ATAD3C: variants seen among roughly 807,000 people sequenced by gnomAD.
ATAD3C encodes the protein ATPase family AAA domain-containing protein 3C.
Under a neutral mutation model 46.3 loss-of-function variants are expected in ATAD3C, and 38 were observed. That is an observed-to-expected ratio of 0.82 (90% CI 0.63 to 1.08). The LOEUF is 1.08. ATAD3C is among the 50% of genes least tolerant of loss of function. The pLI is 0.00. For synonymous variants in ATAD3C, 220 were observed against 236.4 expected, an observed-to-expected ratio of 0.93 and a Z score of 0.63; for missense variants, 563 against 572.7, an observed-to-expected ratio of 0.98 and a Z score of 0.17.
In ATAD3C at chr1:1,468,597, C is replaced by T; in HGVS notation, c.*67C>T. ...CCCTCCCACCCCTGCCTTTGCGGCC[C>T]CGCACATTTAGGAAATACTCCCCGT... On this transcript the variant is annotated 3_prime_UTR_variant, in exon 12 of 12. Coordinates refer to ENST00000378785, the MANE Select transcript of ATAD3C (RefSeq NM_001039211.3). 1 of 1,586,574 alleles carries T rather than the reference C, an allele frequency of 6.3e-7. No individual in the cohort carries two copies. The highest frequency in any genetic ancestry group is 8.6e-7 in the Non-Finnish European group (1 of 1,164,348).
At position 1,457,006 on chromosome 1, in the gene ATAD3C, C is replaced by T. The variant is rs909191378; in HGVS notation, c.690-123C>T. On this transcript the variant is annotated intron_variant, in intron 7 of 11. Coordinates refer to ENST00000378785, the MANE Select transcript of ATAD3C (RefSeq NM_001039211.3). ...CTGTCAGGTCCAGGACTTAGGGCTC[C>T]GTGGGGCAGAGCCTGACCCCGTGGG... 227 of 1,361,458 alleles carry T rather than the reference C, an allele frequency of 1.7e-4. 2 individuals carry two copies. The highest frequency in any genetic ancestry group is 1.2e-3 in the Admixed American group (71 of 56,972). 84.3% of individuals were successfully genotyped at this position (1,361,458 alleles called of 1,614,324 possible). A position where few individuals can be genotyped will look rare whatever the true frequency, so the allele number is the denominator to read the frequency against.
Position 1,460,909 on chromosome 1 carries a change from A to G in ATAD3C, c.972A>G (p.Glu324=). ...AGTATGTTCTTAAGCCGGCCACAGA[A>G]GGAAAGCGGTAAGTGTCCCGCCCCA... ...LNEYVLKPAT[E]GKRRLKLAQF... The change falls in exon 10 of 12, where the codon GAA becomes GAG. Residue 324 remains glutamate (E), a synonymous_variant. Transcript: ENST00000378785. The G allele has an allele frequency of 2.5e-6, 4 of 1,608,076 alleles. No homozygotes were observed. The highest frequency in any genetic ancestry group is 3.4e-6 in the Non-Finnish European group (4 of 1,176,708).
At chr1:1,460,619 T>C in intron 9 of ATAD3C, 131 bp from the exon 10 acceptor site, 1 of 1,397,456 alleles carries the variant, frequency 7.2e-7, no homozygotes, top group Non-Finnish European at 9.3e-7. Context: ...CTCCCCATGT[T>C]TCCTGTGCTC....
chr1:1,450,518 G>A lies in ATAD3C; in HGVS notation c.-166G>A, dbSNP rs561174924. The A allele has an allele frequency of 3.3e-4, 286 of 857,768 alleles. 2 individuals are homozygous for A. The South Asian group carries it at 4.0e-3, about 12-fold the overall frequency. The allele number at this position is 857,768 out of a possible 1,614,324, so 53.1% of individuals were successfully genotyped here. A position where few individuals can be genotyped will look rare whatever the true frequency, so the allele number is the denominator to read the frequency against. On this transcript the variant is annotated 5_prime_UTR_variant, in exon 1 of 12. Coordinates refer to ENST00000378785, the MANE Select transcript of ATAD3C (RefSeq NM_001039211.3). ...GGCCGTGTGCTGGGGATGGGGCATCGTCACGCCAGGTCTGACTAGGAAGGA... is the reference window on the plus strand; with the variant it reads ...GGCCGTGTGCTGGGGATGGGGCATCATCACGCCAGGTCTGACTAGGAAGGA...
intron 11 of ATAD3C, among the ~76,000 whole-genome samples, chr1:1,464,238 G>T (rs1199953108): frequency 6.6e-6 from 1 of 150,798 alleles, no homozygotes; most frequent in Non-Finnish European, 1.5e-5. Flanking sequence ...GAGTGTGGTC[G>T]ACTGCTGGGC....
Position 1,460,902 on chromosome 1 carries a change from C to T in ATAD3C, c.965C>T (p.Ala322Val), listed in dbSNP as rs760516438. ...MYLNEYVLKPATEGKRRLKLA... is the reference protein window; with the variant it reads ...MYLNEYVLKPVTEGKRRLKLA... ...CTTAACGAGTATGTTCTTAAGCCGG[C>T]CACAGAAGGAAAGCGGTAAGTGTCC... Residue 322 changes from alanine (A) to valine (V), a missense_variant, in exon 10 of 12, where the codon GCC becomes GTC. By Grantham distance (64) the Ala-to-Val change is moderately conservative (BLOSUM62 0). Around this residue, in one of 3 missense-constraint regions of ATAD3C, gnomAD observed 273 missense variants for 253.5 expected, o/e 1.08. Transcript: ENST00000378785. The T allele has an allele frequency of 9.3e-6, 15 of 1,608,834 alleles. No individual in the cohort carries two copies. Among genetic ancestry groups the T allele is most frequent in the Non-Finnish European group, 1.3e-5 (15 of 1,177,304 alleles).
At chr1:1,457,611 AAAAC>A (rs1327769227) in intron 8 of ATAD3C, among the ~76,000 whole-genome samples, 4,486 of 143,092 alleles carry the variant, frequency 0.031, 841 homozygotes, top group African/African-American at 0.12. Context: ...AAAAAAAAAA[AAAAC>A]AAAAAAAACA....
At chr1:1,454,542 G>C in intron 4 of ATAD3C, 42 bp downstream of exon 4, 1 of 1,585,980 alleles carries the variant, frequency 6.3e-7, no homozygotes. Flanking sequence ...CAAGTGCCTG[G>C]CTGAGTCCCT....
chr1:1,451,488 A>T (rs1570141107), intron 1 of ATAD3C, among the ~76,000 whole-genome samples: 1 of 151,990 alleles, frequency 6.6e-6, no homozygotes, highest in Admixed American at 6.6e-5. Context: ...CTGGGATTAC[A>T]GGCACCCACC....
In ATAD3C at chr1:1,450,522, C is replaced by A. The variant is rs989383619; in HGVS notation, c.-162C>A. 9 of 892,978 alleles carry A rather than the reference C, an allele frequency of 1.0e-5. 1 individual carries two copies. The highest frequency in any genetic ancestry group is 1.7e-5 in the African/African-American group (1 of 60,490). 55.3% of individuals were successfully genotyped at this position (892,978 alleles called of 1,614,324 possible). A position where few individuals can be genotyped will look rare whatever the true frequency, so the allele number is the denominator to read the frequency against. On this transcript the variant is annotated 5_prime_UTR_variant, in exon 1 of 12. Coordinates refer to ENST00000378785, the MANE Select transcript of ATAD3C (RefSeq NM_001039211.3). ...GTGTGCTGGGGATGGGGCATCGTCA[C>A]GCCAGGTCTGACTAGGAAGGAGGAT...
rs1570164608 is a variant in ATAD3C, at chr1:1,469,438, T to G, written c.*908T>G. 1 of 127,302 alleles carries G rather than the reference T, an allele frequency of 7.9e-6. No individual in the cohort carries two copies. The highest frequency in any genetic ancestry group is 1.5e-5 in the Non-Finnish European group (1 of 64,706). The allele number at this position is 127,302 out of a possible 1,614,324, so 7.9% of individuals were successfully genotyped here. On this transcript the variant is annotated 3_prime_UTR_variant, in exon 12 of 12. Transcript: ENST00000378785. ...TTGCACTCCAGCCTGGATGATAGAG[T>G]GAGACTGTACCTCTAAATAACCAAA...
At chr1:1,455,677 A>G in intron 5 of ATAD3C, 114 bp from the exon 6 acceptor site, 1 of 1,561,342 alleles carries the variant, frequency 6.4e-7, no homozygotes, top group Non-Finnish European at 8.7e-7. Flanking sequence ...GCTGCCCACG[A>G]GCTGGGTGGC....
intron 1 of ATAD3C, 80 bp from the exon 2 acceptor site, chr1:1,451,966 G>A (rs963293770): frequency 4.5e-6 from 7 of 1,569,272 alleles, no homozygotes; most frequent in African/African-American, 1.4e-5. Flanking sequence ...GCGGTCCTGG[G>A]GCGGACGCAA....
intron 7 of ATAD3C, 106 bp from the exon 8 acceptor site, chr1:1,457,023 C>A (rs1240959106): frequency 1.3e-6 from 2 of 1,495,300 alleles, no homozygotes; most frequent in Non-Finnish European, 1.9e-6. Flanking sequence ...CAGAGCCTGA[C>A]CCCGTGGGGA....
Position 1,460,846 on chromosome 1 carries a change from G to A in ATAD3C, c.909G>A (p.Gln303=), listed in dbSNP as rs776975715. 220 of 1,613,084 alleles carry A rather than the reference G, an allele frequency of 1.4e-4. 4 individuals are homozygous for A. The highest frequency in any genetic ancestry group is 1.5e-4 in the Non-Finnish European group (175 of 1,179,482). Reference sequence around the variant, plus strand: ...TGGTCCACTTCGACCTGCCAGGGCAGGAGGAGCGGGCGCGCCTGGTGAGAA... The same window carrying A: ...TGGTCCACTTCGACCTGCCAGGGCAAGAGGAGCGGGCGCGCCTGGTGAGAA... The part of the protein sequence containing the change: ...DVMVHFDLPG[Q]EERARLVRMY... Residue 303 remains glutamine, a synonymous_variant, in exon 10 of 12, where the codon CAG becomes CAA. Transcript: ENST00000378785.
chr1:1,453,189 C>T lies in ATAD3C; in HGVS notation c.222+755C>T, dbSNP rs146136703. Among the ~76,000 whole-genome samples the T allele has an allele frequency of 3.4e-3, 521 of 152,188 alleles. 1 individual carries two copies. The highest frequency in any genetic ancestry group is 0.011 in the African/African-American group (470 of 41,574). ...GTCACCTGAGGACATGACAGAGCTG[C>T]TTAATGCACTGTTGACTTTTGTTTG... On this transcript the variant is annotated intron_variant, in intron 3 of 11. Transcript: ENST00000378785.
chr1:1,460,412 G>GT (rs1413536604), intron 9 of ATAD3C, among the ~76,000 whole-genome samples: 2 of 151,990 alleles, frequency 1.3e-5, no homozygotes, highest in Admixed American at 6.6e-5. Flanking sequence ...TGGACTCTGG[G>GT]TCCCGCATCC....
intron 1 of ATAD3C, among the ~76,000 whole-genome samples, chr1:1,451,726 A>G (rs3845297): frequency 0.095 from 14,428 of 152,028 alleles, 1,763 homozygotes; most frequent in East Asian, 0.47. Flanking sequence ...TTTAATTGGC[A>G]GAAGACAGAA....
intron 11 of ATAD3C, among the ~76,000 whole-genome samples, chr1:1,466,103 G>A (rs1000577711): frequency 7.3e-5 from 11 of 151,634 alleles, no homozygotes; most frequent in African/African-American, 2.2e-4. Context: ...TTAGTTGGGC[G>A]TGGTGGTGCA....
Sources: allele counts gnomAD v4.1 joint callset (sites outside exome capture counted in the v4.1 genomes callset), GRCh38; gene constraint gnomAD v4.1.1; regional missense constraint gnomAD v4.1.1; transcripts MANE v1.5; gene names NCBI Gene and HGNC (gene_info 2026-07-23, HGNC 2026-07-21).